Variants in BCL2L14 observed in about 807,000 individuals in gnomAD.
BCL2L14 encodes the protein BCL2 like 14, also known as apoptosis facilitator Bcl-2-like protein 14.
BCL2L14 carries 27 observed loss-of-function variants against 35.3 expected under a neutral mutation model. The ratio of observed to expected loss-of-function variants is 0.76; its 90% confidence interval spans 0.56 to 1.05. The LOEUF (loss-of-function observed/expected upper bound fraction) is 1.05. BCL2L14 is among the 50% of genes least tolerant of loss of function. The probability of loss-of-function intolerance (pLI) is 0.00; values close to 1 mark genes in which losing one functional copy is unlikely to be tolerated. For synonymous variants in BCL2L14, 139 were observed against 145.9 expected (o/e 0.95, Z 0.34); for missense variants, 377 against 382.6 (o/e 0.99, Z 0.12).
intron 2 of BCL2L14, among the ~76,000 whole-genome samples, chr12:12,053,402 G>A (rs1948386387): frequency 6.9e-6 from 1 of 145,320 alleles, no homozygotes; most frequent in East Asian, 2.1e-4. Context: ...GGTTACAATG[G>A]CCCTATAACT....
At chr12:12,061,262 T>C (rs557546265) in intron 2 of BCL2L14, among the ~76,000 whole-genome samples, 88 of 151,536 alleles carry the variant, frequency 5.8e-4, no homozygotes, top group South Asian at 1.7e-3. Context: ...CCCTTGTATC[T>C]CCCCACCTTA....
rs1022879379 is a variant in BCL2L14 at position 12,098,855 on chromosome 12, G to A, written c.946-95G>A. The stretch of plus-strand genomic sequence containing the variant: ...ACTAACATGGTCTCCTGAGCCTCGG[G>A]TCACGCCTGGGATAGAGCAGAGTTA... On this transcript the variant is annotated intron_variant, in intron 5 of 5. Transcript: ENST00000308721. The A allele has an allele frequency of 2.7e-5, 24 of 900,414 alleles. No homozygotes were observed. In the African/African-American group the frequency reaches 3.8e-4, roughly 14 times the overall value. The allele number at this position is 900,414 out of a possible 1,614,324, so 55.8% of individuals were successfully genotyped here.
At chr12:12,073,702 C>T (rs1948718381) in intron 1 of BCL2L14, among the ~76,000 whole-genome samples, 1 of 152,172 alleles carries the variant, frequency 6.6e-6, no homozygotes, top group Non-Finnish European at 1.5e-5. Context: ...TGTTACTGGT[C>T]TGACGAGGGC....
intron 1 of BCL2L14, among the ~76,000 whole-genome samples, chr12:12,075,506 A>G (rs1341708961): frequency 6.6e-6 from 1 of 150,470 alleles, no homozygotes; most frequent in East Asian, 2.0e-4. Flanking sequence ...GCTCACTGCA[A>G]CCTCCGCCTC....
chr12:12,085,020 G>C (rs1949012193), intron 2 of BCL2L14, among the ~76,000 whole-genome samples: 1 of 150,638 alleles, frequency 6.6e-6, no homozygotes, highest in Non-Finnish European at 1.5e-5. Context: ...GAAGGTGGAG[G>C]TTGCAGCGAG....
upstream of BCL2L14, among the ~76,000 whole-genome samples, chr12:12,067,195 T>A (rs12824919): frequency 6.6e-6 from 1 of 152,082 alleles, no homozygotes. Flanking sequence ...ATATTTTTAG[T>A]GCTATCATTC....
In BCL2L14 at chr12:12,079,300, C is replaced by A; in HGVS notation, c.-6C>A. 1.2e-6 allele frequency: 2 copies of A among 1,610,522 alleles called. No homozygotes were observed. The highest frequency in any genetic ancestry group is 1.7e-6 in the Non-Finnish European group (2 of 1,178,174). ...ACAGTGTGGACTTTGTTGTTACAGG[C>A]CCAACATGTGTAGCACCAGTGGGTG... On this transcript the variant is annotated splice_region_variant and 5_prime_UTR_variant, in exon 2 of 6. Coordinates refer to ENST00000308721, the MANE Select transcript of BCL2L14 (RefSeq NM_138723.2).
At chr12:12,052,846 A>G (rs763977705) in intron 2 of BCL2L14, among the ~76,000 whole-genome samples, 4 of 152,250 alleles carry the variant, frequency 2.6e-5, no homozygotes, top group Non-Finnish European at 5.9e-5. Context: ...TTAGTGATAG[A>G]GACCAAAAGG....
At chr12:12,064,789 T>C (rs1260373881) in intron 2 of BCL2L14, among the ~76,000 whole-genome samples, 1 of 152,200 alleles carries the variant, frequency 6.6e-6, no homozygotes, top group East Asian at 1.9e-4. Flanking sequence ...TAGCAGCAAG[T>C]GTGAAATGAC....
intron 2 of BCL2L14, among the ~76,000 whole-genome samples, chr12:12,084,658 G>A (rs1949003320): frequency 6.6e-6 from 1 of 152,100 alleles, no homozygotes; most frequent in Non-Finnish European, 1.5e-5. Context: ...AGTCTGACAA[G>A]GATATAATCT....
chr12:12,061,173 G>A (rs1948520295), intron 2 of BCL2L14, among the ~76,000 whole-genome samples: 1 of 147,810 alleles, frequency 6.8e-6, no homozygotes, highest in Non-Finnish European at 1.5e-5. Context: ...TAAATTATCT[G>A]CTTCCCTGAC....
At chr12:12,063,373 T>C (rs375695004) in intron 2 of BCL2L14, among the ~76,000 whole-genome samples, 3 of 151,166 alleles carry the variant, frequency 2.0e-5, no homozygotes, top group East Asian at 1.9e-4. Context: ...AGACCTTTTA[T>C]ACCTGTTTTT....
chr12:12,064,268 C>T lies in BCL2L14; in HGVS notation c.-272+12421C>T, dbSNP rs527417337. On this transcript the variant is annotated intron_variant, in intron 2 of 3. Coordinates refer to the BCL2L14 transcript ENST00000461264. ...CCTCAGCCTCCAGAGTATGGGACTA[C>T]AGGCATGCAGTACCATACCTGGCTA... Among the ~76,000 whole-genome samples the T allele has an allele frequency of 3.3e-5, 5 of 152,040 alleles. No individual in the cohort carries two copies. The South Asian group carries it at 1.0e-3, about 32-fold the overall frequency.
At chr12:12,086,691 T>C (rs1387620902) in intron 2 of BCL2L14, among the ~76,000 whole-genome samples, 2 of 152,206 alleles carry the variant, frequency 1.3e-5, no homozygotes, top group Non-Finnish European at 2.9e-5. Context: ...CAACGGGAGT[T>C]AGGTGTTCAC....
chr12:12,085,629 C>A (rs1949025267), intron 2 of BCL2L14, among the ~76,000 whole-genome samples: 2 of 152,158 alleles, frequency 1.3e-5, no homozygotes, highest in South Asian at 2.1e-4. Flanking sequence ...CAGATGTCCA[C>A]CAGAGGATGG....
At chr12:12,094,399 G>A (rs1949264038) in intron 4 of BCL2L14, 8 of 977,112 alleles carry the variant, frequency 8.2e-6, no homozygotes, top group Non-Finnish European at 1.3e-5. Flanking sequence ...CATTATAAGT[G>A]CTCAGGAAAT....
upstream of BCL2L14, among the ~76,000 whole-genome samples, chr12:12,069,377 A>G (rs1948630584): frequency 6.6e-6 from 1 of 151,980 alleles, no homozygotes; most frequent in Admixed American, 6.6e-5. Flanking sequence ...TCCAGTGAAT[A>G]TATCTCATCG....
intron 2 of BCL2L14, among the ~76,000 whole-genome samples, chr12:12,057,510 C>A (rs906969146): frequency 6.6e-6 from 1 of 152,154 alleles, no homozygotes; most frequent in Non-Finnish European, 1.5e-5. Flanking sequence ...GTAATCCCAG[C>A]ACTTTGGGAG....
intron 2 of BCL2L14, among the ~76,000 whole-genome samples, chr12:12,084,697 A>T (rs1370458908): frequency 6.6e-6 from 1 of 152,164 alleles, no homozygotes; most frequent in Non-Finnish European, 1.5e-5. Context: ...AAATTAAAAT[A>T]TCCAAGATGG....
Sources: gnomAD v4.1 joint callset for allele counts (sites outside exome capture counted in the v4.1 genomes callset) on GRCh38, gnomAD v4.1.1 for gene constraint, MANE v1.5 for transcripts, NCBI Gene and HGNC (gene_info 2026-07-23, HGNC 2026-07-21) for gene names.